Variants in ULK4 observed in about 807,000 individuals in gnomAD.
ULK4 encodes the protein unc-51 like kinase 4.
A neutral mutation model predicts 160.6 loss-of-function variants in ULK4; 133 were observed. That is an observed-to-expected ratio of 0.83 (90% confidence interval 0.72 to 0.96). ULK4 has a LOEUF of 0.96. Ranked by LOEUF, ULK4 falls within the 40% of genes least tolerant of loss-of-function variation. The probability of loss-of-function intolerance (pLI) is 0.00; values close to 1 mark genes in which losing one functional copy is unlikely to be tolerated. For missense variants in ULK4, 1,580 were observed against 1,499.5 expected, an observed-to-expected ratio of 1.05 and a Z score of -0.89; for synonymous variants, 534 against 539.8, an observed-to-expected ratio of 0.99 and a Z score of 0.15.
intron 22 of ULK4, among the ~76,000 whole-genome samples, chr3:41,753,304 C>G (rs1260384552): frequency 1.3e-5 from 2 of 152,094 alleles, no homozygotes; most frequent in Admixed American, 6.6e-5. Context: ...ATCTACAAAG[C>G]CTACTCTCTC....
chr3:41,252,013 T>C (rs1160602131), intron 35 of ULK4, among the ~76,000 whole-genome samples: 7 of 152,186 alleles, frequency 4.6e-5, no homozygotes, highest in African/African-American at 1.7e-4. Context: ...AATATATCTC[T>C]GCTCACATCC....
At chr3:41,880,319 A>G (rs1198861376) in intron 17 of ULK4, among the ~76,000 whole-genome samples, 1 of 148,876 alleles carries the variant, frequency 6.7e-6, no homozygotes, top group East Asian at 1.9e-4. Flanking sequence ...TATATTTTTC[A>G]GTAAAAAAGA....
At chr3:41,827,111 C>T (rs993836211) in intron 18 of ULK4, among the ~76,000 whole-genome samples, 2 of 147,014 alleles carry the variant, frequency 1.4e-5, no homozygotes, top group African/African-American at 2.5e-5. Flanking sequence ...TTGAAACCAA[C>T]GAGAACAAAG....
At chr3:41,771,873 C>A (rs4973983) in intron 21 of ULK4, among the ~76,000 whole-genome samples, 7 of 152,110 alleles carry the variant, frequency 4.6e-5, no homozygotes, top group Admixed American at 2.0e-4. Flanking sequence ...GTGACTTTAT[C>A]AAATCTTAGT....
At chr3:41,670,273 G>A (rs2035494452) in intron 29 of ULK4, among the ~76,000 whole-genome samples, 1 of 152,074 alleles carries the variant, frequency 6.6e-6, no homozygotes, top group East Asian at 1.9e-4. Context: ...ACAAGAAAGG[G>A]GTAGATGGCT....
At chr3:41,887,076 A>G (rs1008019242) in intron 16 of ULK4, among the ~76,000 whole-genome samples, 1 of 152,194 alleles carries the variant, frequency 6.6e-6, no homozygotes, top group African/African-American at 2.4e-5. Flanking sequence ...CCCTACAAAC[A>G]GTGACCACTC....
chr3:41,377,691 T>C (rs1202212158), intron 35 of ULK4, among the ~76,000 whole-genome samples: 2 of 147,562 alleles, frequency 1.4e-5, no homozygotes, highest in Admixed American at 6.8e-5. Flanking sequence ...CTCACACCAG[T>C]TAGAATGGCG....
chr3:41,573,995 C>A (rs902093753), intron 31 of ULK4, among the ~76,000 whole-genome samples: 6 of 152,154 alleles, frequency 3.9e-5, no homozygotes, highest in African/African-American at 1.4e-4. Flanking sequence ...CCAGCCTGAC[C>A]AACATGGTGA....
intron 21 of ULK4, among the ~76,000 whole-genome samples, chr3:41,780,871 G>A (rs1426094354): frequency 6.6e-6 from 1 of 152,018 alleles, no homozygotes. Context: ...GGTCTTATCG[G>A]GTTCCCAGAG....
chr3:41,411,068 T>C (rs1364132742), intron 34 of ULK4, among the ~76,000 whole-genome samples: 1 of 152,190 alleles, frequency 6.6e-6, no homozygotes, highest in Non-Finnish European at 1.5e-5. Flanking sequence ...AAACACAAGA[T>C]CATCTCAATA....
At chr3:41,442,600 C>CTTA (rs200001218) in intron 34 of ULK4, among the ~76,000 whole-genome samples, 2 of 151,626 alleles carry the variant, frequency 1.3e-5, no homozygotes, top group African/African-American at 4.9e-5. Flanking sequence ...TATTTAAAAC[C>CTTA]TTATTATTAT....
intron 8 of ULK4, among the ~76,000 whole-genome samples, chr3:41,914,459 T>C (rs1263043518): frequency 6.6e-6 from 1 of 152,228 alleles, no homozygotes. Flanking sequence ...CTTTCTAACA[T>C]ATTGTTGCTG....
At position 41,705,163 on chromosome 3, in the gene ULK4, G is replaced by T. The variant is rs576740534; in HGVS notation, c.2687-12C>A. ...TGATGCTGTCAGTCCTAGAAATACA[G>T]TTAATTATTATAGGTGTTTATTTAC... is the stretch of plus-strand genomic sequence containing the variant. On this transcript the variant is annotated splice_polypyrimidine_tract_variant and intron_variant, in intron 26 of 36. Transcript: ENST00000301831. 6.2e-7 allele frequency: 1 copy of T among 1,609,824 alleles called. No individual in the cohort carries two copies. The highest frequency in any genetic ancestry group is 1.7e-5 in the Admixed American group (1 of 59,680).
intron 30 of ULK4, among the ~76,000 whole-genome samples, chr3:41,637,821 T>C (rs1433938018): frequency 2.6e-5 from 4 of 152,218 alleles, no homozygotes; most frequent in Admixed American, 6.5e-5. Context: ...ATAGATCTGT[T>C]GGTTATCTGG....
chr3:41,431,547 CTTT>C (rs1553664758), intron 34 of ULK4, among the ~76,000 whole-genome samples: 11 of 95,844 alleles, frequency 1.1e-4, no homozygotes, highest in Non-Finnish European at 1.8e-4. Context: ...AATTCCCTCC[CTTT>C]TTTTTTTTTT....
chr3:41,898,043 C>T (rs144911477), intron 14 of ULK4, among the ~76,000 whole-genome samples: 40 of 152,288 alleles, frequency 2.6e-4, no homozygotes, highest in Middle Eastern at 3.4e-3. Context: ...TCTCAAATGT[C>T]CTGGTCCCTC....
At chr3:41,293,132 A>G (rs2079604361) in intron 35 of ULK4, among the ~76,000 whole-genome samples, 1 of 152,080 alleles carries the variant, frequency 6.6e-6, no homozygotes, top group Non-Finnish European at 1.5e-5. Flanking sequence ...TAGGACTGGT[A>G]ACCTAAAGAA....
At chr3:41,950,165 C>T (rs984237755) in intron 2 of ULK4, among the ~76,000 whole-genome samples, 4 of 151,768 alleles carry the variant, frequency 2.6e-5, no homozygotes, top group Non-Finnish European at 5.9e-5. Flanking sequence ...TGGCTCACTG[C>T]GACCCCTGCC....
intron 35 of ULK4, among the ~76,000 whole-genome samples, chr3:41,282,206 C>T (rs768207977): frequency 2.6e-5 from 4 of 152,126 alleles, no homozygotes; most frequent in Non-Finnish European, 1.5e-5. Context: ...GAATTGATAT[C>T]GTGAAAATGG....
Sources: allele counts gnomAD v4.1 joint callset (sites outside exome capture counted in the v4.1 genomes callset), GRCh38; gene constraint gnomAD v4.1.1; transcripts MANE v1.5; gene names NCBI Gene and HGNC (gene_info 2026-07-23, HGNC 2026-07-21).